GINS3: variants seen among roughly 807,000 people sequenced by gnomAD.
GINS3 encodes the protein GINS complex subunit 3.
Under a neutral mutation model 20.0 loss-of-function variants are expected in GINS3, and 18 were observed. The observed-to-expected ratio is 0.90, with a 90% CI of 0.62 to 1.33. GINS3 has a LOEUF of 1.33. Ranked by LOEUF, GINS3 falls within the 40% of genes most tolerant of loss-of-function variation. The probability of loss-of-function intolerance (pLI) is 0.00; values close to 1 mark genes in which losing one functional copy is unlikely to be tolerated. For missense variants in GINS3, 254 were observed against 273.6 expected (o/e 0.93, Z 0.51); for synonymous variants, 109 against 107.0 (o/e 1.02, Z -0.12).
intron 1 of GINS3, among the ~76,000 whole-genome samples, chr16:58,398,502 A>G (rs1965913700): frequency 6.6e-6 from 1 of 152,146 alleles, no homozygotes. Context: ...ACAGCTACTC[A>G]GGAGGCTGAG....
At chr16:58,402,977 G>C (rs1965976604) in intron 1 of GINS3, 121 bp from the exon 2 acceptor site, 1 of 742,808 alleles carries the variant, frequency 1.3e-6, no homozygotes, top group African/African-American at 1.7e-5. Context: ...TTCTGTGCTT[G>C]ACAGCCACTC....
chr16:58,403,888 C>T (rs1454159511), intron 2 of GINS3: 2 of 159,788 alleles, frequency 1.3e-5, no homozygotes, highest in Admixed American at 1.2e-4. Flanking sequence ...TTGGCCCTGC[C>T]ATGAACTAGC....
Position 58,396,396 on chromosome 16 carries a change from C to A in GINS3, c.186+3609C>A, listed in dbSNP as rs554174493. On this transcript the variant is annotated intron_variant, in intron 1 of 2. Coordinates refer to ENST00000318129, the MANE Select transcript of GINS3 (RefSeq NM_022770.4). ...GCGGCTGGCCGGGCAGGGGGCTGAC[C>A]CCCCCACCTCCCTCCCGGACGGGGC... 2.5e-5 allele frequency among the ~76,000 whole-genome samples: 3 copies of A among 118,934 alleles called. No homozygotes were observed. In the East Asian group the frequency reaches 8.1e-4, roughly 32 times the overall value. The allele number at this position is 118,934 out of a possible 152,430, so 78.0% of individuals were successfully genotyped here.
chr16:58,395,232 T>A (rs982615675), intron 1 of GINS3: 32 of 398,008 alleles, frequency 8.0e-5, no homozygotes, highest in Admixed American at 7.1e-4. Flanking sequence ...CATGCCACCA[T>A]GTCCAGCTAA....
chr16:58,403,265 G>A lies in GINS3; in HGVS notation c.354G>A (p.Gly118=). 1 of 1,614,124 alleles carries A rather than the reference G, an allele frequency of 6.2e-7. No homozygotes were observed. The highest frequency in any genetic ancestry group is 8.5e-7 in the Non-Finnish European group (1 of 1,180,022). Residue 118 remains glycine, a synonymous_variant, in exon 2 of 3, where the codon GGG becomes GGA. Coordinates refer to ENST00000318129, the MANE Select transcript of GINS3 (RefSeq NM_022770.4). The stretch of plus-strand genomic sequence containing the variant: ...ACAAAATGGGGCCCCATTTCTACGG[G>A]TTTGGCTCCCAGCTCCTGCATTTTG... The part of the protein sequence containing the change: ...DLHKMGPHFY[G]FGSQLLHFDS...
At position 58,392,647 on chromosome 16, in the gene GINS3, G is replaced by C; in HGVS notation, c.46G>C (p.Glu16Gln). Residue 16 changes from glutamate to glutamine, a missense_variant, in exon 1 of 3, where the codon GAG becomes CAG. Physicochemically the swap from Glu to Gln is conservative, Grantham distance 29. Coordinates refer to ENST00000318129, the MANE Select transcript of GINS3 (RefSeq NM_022770.4). ...AGTGGAGTCGGGTGCGCTGGGGCCT[G>C]AGGAGAACTTTCTTTCTTTGGACGA... Reference protein sequence around the residue: ...FRVESGALGPEENFLSLDDIL... With the variant: ...FRVESGALGPQENFLSLDDIL... 1.2e-6 allele frequency: 2 copies of C among 1,614,128 alleles called. No individual in the cohort carries two copies. Among genetic ancestry groups the C allele is most frequent in the Non-Finnish European group, 1.7e-6 (2 of 1,179,936 alleles).
chr16:58,396,344 A>G (rs1965857446), intron 1 of GINS3, among the ~76,000 whole-genome samples: 1 of 119,656 alleles, frequency 8.4e-6, no homozygotes, highest in Non-Finnish European at 1.7e-5. Context: ...GCGGCCGGGC[A>G]GAGGCGCCCC....
chr16:58,400,359 A>G (rs949255923), intron 1 of GINS3, among the ~76,000 whole-genome samples: 2 of 152,200 alleles, frequency 1.3e-5, no homozygotes, highest in African/African-American at 4.8e-5. Context: ...AATGTTTGAA[A>G]TACTGTCTCC....
intron 2 of GINS3, 58 bp downstream of exon 2, chr16:58,403,389 A>T (rs938342633): frequency 3.6e-5 from 49 of 1,353,568 alleles, no homozygotes; most frequent in Middle Eastern, 2.4e-4. Flanking sequence ...CCAGCCACAG[A>T]TACTACTTTT....
At chr16:58,396,394 AC>A (rs1186001788) in intron 1 of GINS3, among the ~76,000 whole-genome samples, 1 of 97,936 alleles carries the variant, frequency 1.0e-5, no homozygotes, top group African/African-American at 4.4e-5. Flanking sequence ...CAGGGGGCTG[AC>A]CCCCCCACCT....
chr16:58,403,469 T>C, intron 2 of GINS3, 138 bp downstream of exon 2: 1 of 630,554 alleles, frequency 1.6e-6, no homozygotes, highest in Non-Finnish European at 2.8e-6. Context: ...TTACACTGTC[T>C]GTCCATTTTA....
Position 58,397,507 on chromosome 16 carries a change from C to G in GINS3, c.186+4720C>G, listed in dbSNP as rs541217754. On this transcript the variant is annotated intron_variant, in intron 1 of 2. Transcript: ENST00000318129. ...CCGAGATCACGCCACTGCACTCCAG[C>G]CTGGGCACCATTGAGCACTGAGTGA... is the stretch of plus-strand genomic sequence containing the variant. Among the ~76,000 whole-genome samples the G allele has an allele frequency of 3.3e-5, 5 of 152,198 alleles. No individual in the cohort carries two copies. In the South Asian group the frequency reaches 1.0e-3, roughly 32 times the overall value.
At position 58,403,081 on chromosome 16, in the gene GINS3, A is replaced by G. The variant is rs768957774; in HGVS notation, c.187-17A>G. ...TTACTTGTCTGTTTTTAAAATCTAC[A>G]TTCATGCATGCTGCAGGGTTCCAAG... On this transcript the variant is annotated splice_polypyrimidine_tract_variant and intron_variant, in intron 1 of 2. Transcript: ENST00000318129. The G allele has an allele frequency of 4.4e-6, 7 of 1,602,496 alleles. No homozygotes were observed. Among genetic ancestry groups the G allele is most frequent in the South Asian group, 1.1e-5 (1 of 90,712 alleles).
chr16:58,400,678 CACTTTT>C (rs1400423624), intron 1 of GINS3, among the ~76,000 whole-genome samples: 1 of 152,102 alleles, frequency 6.6e-6, no homozygotes, highest in Non-Finnish European at 1.5e-5. Context: ...GCCTTTATTT[CACTTTT>C]ACTTTTAAAG....
intron 1 of GINS3, among the ~76,000 whole-genome samples, chr16:58,400,095 G>T (rs1965935257): frequency 6.6e-6 from 1 of 152,090 alleles, no homozygotes; most frequent in Non-Finnish European, 1.5e-5. Flanking sequence ...ATAAGTCTCA[G>T]TTTCTGTCTG....
intron 1 of GINS3, among the ~76,000 whole-genome samples, chr16:58,399,461 A>C (rs1030865010): frequency 6.6e-6 from 1 of 151,896 alleles, no homozygotes; most frequent in African/African-American, 2.4e-5. Context: ...CTGTCTTTTG[A>C]TTCATGTTTA....
intron 1 of GINS3, among the ~76,000 whole-genome samples, chr16:58,394,273 T>G (rs1468971450): frequency 6.6e-6 from 1 of 151,994 alleles, no homozygotes; most frequent in Non-Finnish European, 1.5e-5. Flanking sequence ...TTTTGTGGAG[T>G]GGTGGTCAGG....
chr16:58,395,572 C>G lies in GINS3; in HGVS notation c.186+2785C>G, dbSNP rs1228145563. On this transcript the variant is annotated intron_variant, in intron 1 of 2. Coordinates refer to ENST00000318129, the MANE Select transcript of GINS3 (RefSeq NM_022770.4). ...GCCTTCAAGCATCTGTTTAACAAAG[C>G]ACATCTTGCACCACCCTTAATCCAT... 3.3e-5 allele frequency among the ~76,000 whole-genome samples: 5 copies of G among 152,208 alleles called. No individual in the cohort carries two copies. In the East Asian group the frequency reaches 7.7e-4, roughly 24 times the overall value.
At chr16:58,397,002 T>C (rs1965882231) in intron 1 of GINS3, among the ~76,000 whole-genome samples, 1 of 133,746 alleles carries the variant, frequency 7.5e-6, no homozygotes, top group African/African-American at 2.9e-5. Flanking sequence ...AGAGGGCGGC[T>C]GGCTGGGCGG....
Sources: gnomAD v4.1 joint callset for allele counts (sites outside exome capture counted in the v4.1 genomes callset) on GRCh38, gnomAD v4.1.1 for gene constraint, MANE v1.5 for transcripts, NCBI Gene and HGNC (gene_info 2026-07-23, HGNC 2026-07-21) for gene names.